Variants in CCDC175 observed in about 807,000 individuals in gnomAD.
CCDC175 encodes coiled-coil domain containing 175, also known as coiled-coil domain-containing protein 175.
In CCDC175, 100 loss-of-function variants were observed where a neutral mutation model predicts 114.6. The observed-to-expected ratio is 0.87, with a 90% CI of 0.74 to 1.03. CCDC175 has a LOEUF of 1.03. Among genes scored for constraint, CCDC175 ranks in the 50% least tolerant of loss-of-function variants. CCDC175 has a pLI of 0.00. For synonymous variants in CCDC175, 306 were observed against 308.7 expected (o/e 0.99, Z 0.09); for missense variants, 880 against 917.8 (o/e 0.96, Z 0.53).
chr14:59,550,099 G>C (rs1895376111), intron 8 of CCDC175, among the ~76,000 whole-genome samples: 1 of 152,066 alleles, frequency 6.6e-6, no homozygotes, highest in African/African-American at 2.4e-5. Flanking sequence ...TGTAGAAATG[G>C]GGTTTCACCA....
intron 6 of CCDC175, 90 bp downstream of exon 6, chr14:59,563,647 G>T: frequency 1.3e-6 from 1 of 791,498 alleles, no homozygotes; most frequent in Non-Finnish European, 1.7e-6. Flanking sequence ...CATCCTCTCA[G>T]CATGACATGA....
intron 4 of CCDC175, among the ~76,000 whole-genome samples, chr14:59,566,039 G>A (rs928708098): frequency 4.6e-5 from 7 of 152,122 alleles, no homozygotes; most frequent in African/African-American, 1.4e-4. Flanking sequence ...TGCAGGCAGG[G>A]CCCAACAGAA....
At chr14:59,568,106 G>A in intron 4 of CCDC175, 139 bp downstream of exon 4, 2 of 755,810 alleles carry the variant, frequency 2.6e-6, no homozygotes, top group Non-Finnish European at 3.9e-6. Flanking sequence ...CCATCAGCCT[G>A]GGCCATCTCC....
chr14:59,522,446 T>C (rs1893476799), intron 16 of CCDC175, among the ~76,000 whole-genome samples: 3 of 152,210 alleles, frequency 2.0e-5, no homozygotes. Context: ...TTTCTGATAT[T>C]ATAGTAAACA....
At chr14:59,507,574 G>A (rs535212987) in intron 19 of CCDC175, among the ~76,000 whole-genome samples, 73 of 152,336 alleles carry the variant, frequency 4.8e-4, no homozygotes, top group African/African-American at 1.7e-3. Context: ...GGCTTCTCCA[G>A]AAGTCCTGTG....
chr14:59,553,059 G>C (rs992585694), intron 7 of CCDC175, among the ~76,000 whole-genome samples: 8 of 152,204 alleles, frequency 5.3e-5, no homozygotes, highest in South Asian at 4.1e-4. Flanking sequence ...TTATTCAGGA[G>C]AACTTCCCAA....
chr14:59,537,485 C>G (rs951097073), intron 13 of CCDC175, among the ~76,000 whole-genome samples: 2 of 152,212 alleles, frequency 1.3e-5, no homozygotes, highest in African/African-American at 4.8e-5. Flanking sequence ...TCCCTGTTCT[C>G]AGCTGCTCTG....
intron 12 of CCDC175, 84 bp from the exon 13 acceptor site, chr14:59,538,238 T>A (rs1179023738): frequency 8.7e-7 from 1 of 1,143,024 alleles, no homozygotes; most frequent in Non-Finnish European, 1.2e-6. Flanking sequence ...TTAATATCTC[T>A]TTGCAGGAGG....
intron 8 of CCDC175, among the ~76,000 whole-genome samples, chr14:59,548,682 C>T (rs762067318): frequency 1.2e-4 from 18 of 152,130 alleles, no homozygotes; most frequent in Non-Finnish European, 1.9e-4. Context: ...AAGACAAATT[C>T]GAAACCAACC....
At chr14:59,556,298 A>G (rs1486363621) in intron 7 of CCDC175, among the ~76,000 whole-genome samples, 2 of 152,208 alleles carry the variant, frequency 1.3e-5, no homozygotes, top group Non-Finnish European at 1.5e-5. Context: ...GCCCTCAGAA[A>G]TAATACTACA....
intron 13 of CCDC175, among the ~76,000 whole-genome samples, chr14:59,536,172 T>C (rs912990318): frequency 7.2e-5 from 11 of 152,038 alleles, no homozygotes; most frequent in Admixed American, 4.6e-4. Flanking sequence ...ACTCCCCAGC[T>C]CTTATTCAGC....
rs1252929796 is a variant in CCDC175, at chr14:59,545,200, C to A, written c.1135G>T (p.Glu379Ter). ...TTTTGTTTTTGCAAAAAAGCTTTTTCTTCCTCACTTAAAACAATCTTATAT... is the reference window on the plus strand; with the variant it reads ...TTTTGTTTTTGCAAAAAAGCTTTTTATTCCTCACTTAAAACAATCTTATAT... ...RQYKIVLSEE[E>*]KAFLQKQKIH... The change falls in exon 9 of 20, where the codon GAA becomes TAA. Residue 379 changes from glutamate (E) to a stop codon, truncating the protein, a stop_gained. Coordinates refer to ENST00000537690, the MANE Select transcript of CCDC175 (RefSeq NM_001164399.2). LOFTEE classifies it high-confidence loss of function. 6.5e-7 allele frequency: 1 copy of A among 1,536,834 alleles called. No homozygotes were observed. The highest frequency in any genetic ancestry group is 2.0e-5 in the Admixed American group (1 of 50,916).
intron 17 of CCDC175, among the ~76,000 whole-genome samples, chr14:59,514,950 A>G (rs1221863966): frequency 6.6e-6 from 1 of 152,258 alleles, no homozygotes; most frequent in East Asian, 1.9e-4. Context: ...GAAGCCCAGC[A>G]GACTAACAGC....
chr14:59,550,336 C>T (rs76718216), intron 8 of CCDC175, among the ~76,000 whole-genome samples: 3 of 152,072 alleles, frequency 2.0e-5, no homozygotes, highest in African/African-American at 7.2e-5. Flanking sequence ...TTTTCACTAT[C>T]CTAATGAAGG....
At chr14:59,521,063 G>T (rs1248098331) in intron 17 of CCDC175, among the ~76,000 whole-genome samples, 3 of 152,188 alleles carry the variant, frequency 2.0e-5, no homozygotes, top group Non-Finnish European at 2.9e-5. Flanking sequence ...TGACTGGATT[G>T]AAAGATGCAA....
chr14:59,535,108 G>C (rs1190940153), intron 13 of CCDC175, among the ~76,000 whole-genome samples: 1 of 152,172 alleles, frequency 6.6e-6, no homozygotes, highest in Non-Finnish European at 1.5e-5. Context: ...GCAGAAATGG[G>C]ATTACAATGT....
At chr14:59,514,353 C>A (rs12587239) in intron 17 of CCDC175, among the ~76,000 whole-genome samples, 1 of 151,814 alleles carries the variant, frequency 6.6e-6, no homozygotes, top group African/African-American at 2.4e-5. Flanking sequence ...AGGCTTCAGA[C>A]GATCAAACTA....
chr14:59,561,076 C>A (rs762454204), intron 7 of CCDC175, 43 bp downstream of exon 7: 1 of 971,734 alleles, frequency 1.0e-6, no homozygotes, highest in Non-Finnish European at 1.6e-6. Flanking sequence ...ATCATATTAA[C>A]ATATCTCGAA....
chr14:59,565,097 C>G lies in CCDC175; in HGVS notation c.670G>C (p.Glu224Gln). Residue 224 changes from glutamate to glutamine, a missense_variant, in exon 5 of 20, where the codon GAA (glutamate) becomes CAA (glutamine). Coordinates refer to ENST00000537690, the MANE Select transcript of CCDC175 (RefSeq NM_001164399.2). The stretch of plus-strand genomic sequence containing the variant: ...ATTAGATATTCTGCCCTTTCTTTTT[C>G]CATTAGCTCCTCTGCCTCTTGAATA... ...KCIQEAEELM[E>Q]KERAEYLIRK... The G allele has an allele frequency of 1.3e-6, 2 of 1,537,572 alleles. No individual in the cohort carries two copies. Among genetic ancestry groups the G allele is most frequent in the Non-Finnish European group, 1.7e-6 (2 of 1,146,954 alleles).
Sources: allele counts gnomAD v4.1 joint callset (sites outside exome capture counted in the v4.1 genomes callset), GRCh38; gene constraint gnomAD v4.1.1; transcripts MANE v1.5; gene names NCBI Gene and HGNC (gene_info 2026-07-23, HGNC 2026-07-21).